The following LPP variants were observed in gnomAD, a reference collection of about 807,000 sequenced individuals.
LPP encodes LIM domain containing preferred translocation partner in lipoma.
A neutral mutation model predicts 60.4 loss-of-function variants in LPP; 38 were observed. The observed-to-expected ratio is 0.63, with a 90% confidence interval of 0.49 to 0.83. The LOEUF is 0.83. LPP is among the 40% of genes least tolerant of loss of function. The probability of loss-of-function intolerance (pLI) is 0.00; values close to 1 mark genes in which losing one functional copy is unlikely to be tolerated. For synonymous variants in LPP, 328 were observed against 290.8 expected, an observed-to-expected ratio of 1.13 and a Z score of -1.30; for missense variants, 902 against 783.6, an observed-to-expected ratio of 1.15 and a Z score of -1.80.
intron 7 of LPP, among the ~76,000 whole-genome samples, chr3:188,640,735 T>G (rs2148781024): frequency 6.6e-6 from 1 of 152,080 alleles, no homozygotes; most frequent in East Asian, 1.9e-4. Context: ...TTTTTTAAAC[T>G]TGAATATATC....
intron 7 of LPP, among the ~76,000 whole-genome samples, chr3:188,650,702 A>C (rs576466308): frequency 6.6e-6 from 1 of 152,234 alleles, no homozygotes; most frequent in Non-Finnish European, 1.5e-5. Flanking sequence ...TTTGATTATT[A>C]GGATTTTACA....
chr3:188,413,280 C>T (rs977694314), intron 4 of LPP, among the ~76,000 whole-genome samples: 6 of 152,184 alleles, frequency 3.9e-5, no homozygotes, highest in African/African-American at 1.4e-4. Context: ...TGTCCTTTTC[C>T]CCATGCAAAG....
intron 5 of LPP, among the ~76,000 whole-genome samples, chr3:188,488,949 T>G (rs1357110454): frequency 6.6e-6 from 1 of 152,168 alleles, no homozygotes. Flanking sequence ...TTAGTTTTAT[T>G]CTTATCTGAC....
At chr3:188,268,383 G>C (rs919176781) in intron 2 of LPP, among the ~76,000 whole-genome samples, 1 of 152,188 alleles carries the variant, frequency 6.6e-6, no homozygotes, top group Admixed American at 6.5e-5. Context: ...AGAACAATTC[G>C]TGAATTGGGC....
chr3:188,518,009 G>A (rs141574640), intron 5 of LPP, among the ~76,000 whole-genome samples: 69 of 152,140 alleles, frequency 4.5e-4, no homozygotes, highest in African/African-American at 1.6e-3. Context: ...ATGACATGCT[G>A]CCTCCCATTA....
chr3:188,704,782 T>C (rs1865152441), intron 7 of LPP, among the ~76,000 whole-genome samples: 1 of 151,878 alleles, frequency 6.6e-6, no homozygotes, highest in Non-Finnish European at 1.5e-5. Flanking sequence ...GTTGTTGTTG[T>C]TTTGTCAAAA....
intron 4 of LPP, among the ~76,000 whole-genome samples, chr3:188,425,873 A>G (rs1789178200): frequency 6.6e-6 from 1 of 151,646 alleles, no homozygotes; most frequent in African/African-American, 2.4e-5. Flanking sequence ...TGGTCTATCT[A>G]TTTTGTTAAT....
intron 3 of LPP, among the ~76,000 whole-genome samples, chr3:188,384,843 T>G (rs1250268933): frequency 7.0e-6 from 1 of 143,688 alleles, no homozygotes; most frequent in Admixed American, 7.0e-5. Context: ...AGTCCCGGAG[T>G]CCTTTCCATG....
chr3:188,339,674 T>A (rs1762538647), intron 2 of LPP, among the ~76,000 whole-genome samples: 1 of 152,124 alleles, frequency 6.6e-6, no homozygotes, highest in South Asian at 2.1e-4. Context: ...TGGGGGAAAT[T>A]GCCCCCATGA....
intron 7 of LPP, among the ~76,000 whole-genome samples, chr3:188,647,380 A>G (rs937158580): frequency 6.6e-6 from 1 of 151,962 alleles, no homozygotes; most frequent in Admixed American, 6.6e-5. Context: ...TGGATCTTTC[A>G]TTAGTTGAAA....
chr3:188,774,392 C>A (rs561142621), intron 9 of LPP, among the ~76,000 whole-genome samples: 1 of 151,820 alleles, frequency 6.6e-6, no homozygotes, highest in South Asian at 2.1e-4. Flanking sequence ...GTAATCTTAC[C>A]CCCAAATACA....
At chr3:188,796,949 C>T (rs1438610028) in intron 9 of LPP, among the ~76,000 whole-genome samples, 2 of 152,126 alleles carry the variant, frequency 1.3e-5, no homozygotes, top group Admixed American at 1.3e-4. Flanking sequence ...CCGTTTCCTG[C>T]CCCCTAAAAT....
rs60989319 is a variant in LPP at position 188,804,243 on chromosome 3, T to TTATATATATATATATA, written c.1410+43986_1410+44001dup. 6.6e-3 allele frequency among the ~76,000 whole-genome samples: 249 copies of TTATATATATATATATA among 37,666 alleles called. 9 individuals are homozygous for TTATATATATATATATA. The highest frequency in any genetic ancestry group is 8.1e-3 in the East Asian group (4 of 492). 24.7% of individuals were successfully genotyped at this position (37,666 alleles called of 152,430 possible). A position where few individuals can be genotyped will look rare whatever the true frequency, so the allele number is the denominator to read the frequency against. On this transcript the variant is annotated intron_variant, in intron 9 of 11. Transcript: ENST00000617246. ...ATTATGTTTTCAATGTAGTGCATCT[T>TTATATATATATATATA]TATATATATATATATATATATATAT...
At chr3:188,289,890 A>G (rs531238902) in intron 2 of LPP, among the ~76,000 whole-genome samples, 10 of 152,178 alleles carry the variant, frequency 6.6e-5, no homozygotes, top group South Asian at 4.1e-4. Context: ...TCTTTCTCTC[A>G]ATATCATAAT....
At chr3:188,843,962 A>G (rs530849690) in intron 9 of LPP, among the ~76,000 whole-genome samples, 31 of 151,992 alleles carry the variant, frequency 2.0e-4, no homozygotes, top group Non-Finnish European at 3.8e-4. Context: ...AAGCCTGGAG[A>G]AGAAATATTG....
chr3:188,834,324 G>GTTTTTTTTTTTTTT (rs71867135), intron 9 of LPP, among the ~76,000 whole-genome samples: 4 of 34,086 alleles, frequency 1.2e-4, no homozygotes, highest in Non-Finnish European at 2.0e-4. Context: ...CTTTTTGGGT[G>GTTTTTTTTTTTTTT]TTTTTTTTTT....
intron 7 of LPP, among the ~76,000 whole-genome samples, chr3:188,664,336 C>T (rs1004203820): frequency 3.9e-5 from 6 of 152,086 alleles, no homozygotes; most frequent in East Asian, 1.9e-4. Flanking sequence ...TTCGGCATGC[C>T]GCTAAATGTG....
rs1813986979 is a variant in LPP at position 188,507,714 on chromosome 3, T to G, written c.307-16951T>G. On this transcript the variant is annotated intron_variant, in intron 5 of 11. Coordinates refer to ENST00000617246, the MANE Select transcript of LPP (RefSeq NM_001375462.1). ...GAAGGCAGGGAAGGGAATGGTGATG[T>G]TCTTTCATATTTAGTGGGGAACTTG... 2.0e-5 allele frequency among the ~76,000 whole-genome samples: 3 copies of G among 152,236 alleles called. No homozygotes were observed. In the South Asian group the frequency reaches 6.2e-4, roughly 32 times the overall value.
At chr3:188,436,366 T>C (rs1484265215) in intron 4 of LPP, among the ~76,000 whole-genome samples, 1 of 152,186 alleles carries the variant, frequency 6.6e-6, no homozygotes, top group Non-Finnish European at 1.5e-5. Flanking sequence ...ACGGAGCCAC[T>C]AGTGCTTAGG....
Sources: gnomAD v4.1 joint callset for allele counts (sites outside exome capture counted in the v4.1 genomes callset) on GRCh38, gnomAD v4.1.1 for gene constraint, MANE v1.5 for transcripts, NCBI Gene and HGNC (gene_info 2026-07-23, HGNC 2026-07-21) for gene names.